Variants in PPP1R3B observed in about 807,000 individuals in gnomAD.
PPP1R3B encodes protein phosphatase 1 regulatory subunit 3B, also known as PP1 subunit R4.
Under a neutral mutation model 14.6 loss-of-function variants are expected in PPP1R3B, and 8 were observed. That is an observed-to-expected ratio of 0.55 (90% CI 0.32 to 0.99). PPP1R3B has a LOEUF of 0.99. PPP1R3B is among the 50% of genes least tolerant of loss of function. PPP1R3B has a pLI of 0.04. For synonymous variants in PPP1R3B, 169 were observed against 142.0 expected, an observed-to-expected ratio of 1.19 and a Z score of -1.35; for missense variants, 452 against 360.1, an observed-to-expected ratio of 1.26 and a Z score of -2.07.
intron 1 of PPP1R3B, among the ~76,000 whole-genome samples, chr8:9,150,104 A>C (rs1039869050): frequency 2.6e-5 from 4 of 152,174 alleles, no homozygotes; most frequent in African/African-American, 7.2e-5. Flanking sequence ...AGCTGTCTTC[A>C]CTTTAGTTTT....
chr8:9,142,022 T>C (rs1801107276), intron 1 of PPP1R3B, among the ~76,000 whole-genome samples: 1 of 152,228 alleles, frequency 6.6e-6, no homozygotes, highest in East Asian at 1.9e-4. Flanking sequence ...AAAGGGCATA[T>C]ATACTGTTTT....
In PPP1R3B at chr8:9,136,536, A is replaced by C. The variant is rs1800894225; in HGVS notation, c.*4258T>G. On this transcript the variant is annotated 3_prime_UTR_variant, in exon 2 of 2. Transcript: ENST00000310455. The stretch of plus-strand genomic sequence containing the variant: ...CTCAGAGGTCCAGCAGTCTCTAAAA[A>C]CTCGTCAACAAGACTAAAAACATTC... 1 of 152,094 alleles carries C rather than the reference A, an allele frequency of 6.6e-6. No individual in the cohort carries two copies. Among genetic ancestry groups the C allele is most frequent in the South Asian group, 2.1e-4 (1 of 4,824 alleles). 9.4% of individuals were successfully genotyped at this position (152,094 alleles called of 1,614,324 possible). A position where few individuals can be genotyped will look rare whatever the true frequency, so the allele number is the denominator to read the frequency against.
Position 9,138,892 on chromosome 8 carries a change from G to T in PPP1R3B, c.*1902C>A, listed in dbSNP as rs1400054404. 1 of 141,162 alleles carries T rather than the reference G, an allele frequency of 7.1e-6. No homozygotes were observed. The highest frequency in any genetic ancestry group is 1.6e-5 in the Non-Finnish European group (1 of 64,196). The allele number at this position is 141,162 out of a possible 1,614,324, so 8.7% of individuals were successfully genotyped here. On this transcript the variant is annotated 3_prime_UTR_variant, in exon 2 of 2. Transcript: ENST00000310455. ...CAATCTTGCCCAAGAAAAATCACAGGTTTGGGGCCTATCTGATAATGACTG... is the reference window on the plus strand; with the variant it reads ...CAATCTTGCCCAAGAAAAATCACAGTTTTGGGGCCTATCTGATAATGACTG...
intron 1 of PPP1R3B, among the ~76,000 whole-genome samples, chr8:9,144,664 A>G (rs1225491815): frequency 2.0e-5 from 3 of 152,232 alleles, no homozygotes; most frequent in Non-Finnish European, 4.4e-5. Context: ...AAGATGACAA[A>G]ATAACCTAGG....
Position 9,140,951 on chromosome 8 carries a change from C to G in PPP1R3B, c.701G>C (p.Arg234Pro). The G allele has an allele frequency of 1.2e-6, 2 of 1,614,184 alleles. No individual in the cohort carries two copies. Among genetic ancestry groups the G allele is most frequent in the Non-Finnish European group, 1.7e-6 (2 of 1,180,012 alleles). The part of the protein sequence containing the change: ...SNRGKNYRII[R>P]AELKSTQGMT... ...TCCCTGGGTAGATTTTAACTCAGCCCGGATGATCCTATAGTTCTTGCCTCT... is the reference window on the plus strand; with the variant it reads ...TCCCTGGGTAGATTTTAACTCAGCCGGGATGATCCTATAGTTCTTGCCTCT... The change falls in exon 2 of 2, where the codon CGG (arginine) becomes CCG (proline). Residue 234 changes from arginine (R) to proline (P), a missense_variant. Coordinates refer to ENST00000310455, the MANE Select transcript of PPP1R3B (RefSeq NM_024607.4).
In PPP1R3B at chr8:9,140,901, C is replaced by G. The variant is rs1334419981; in HGVS notation, c.751G>C (p.Asp251His). ...QGMTKPHSGP[D>H]LGISFDQFGS... is the part of the protein sequence containing the mutation. ...AACTGGTCAAAGGATATTCCCAAAT[C>G]CGGTCCACTGTGGGGCTTGGTCATT... Residue 251 changes from aspartate to histidine, a missense_variant, in exon 2 of 2, where the codon GAT becomes CAT. Physicochemically the swap from Asp to His is moderately conservative, Grantham distance 81. Transcript: ENST00000310455. 1.9e-6 allele frequency: 3 copies of G among 1,614,244 alleles called. No homozygotes were observed. Among genetic ancestry groups the G allele is most frequent in the Non-Finnish European group, 2.5e-6 (3 of 1,180,036 alleles).
chr8:9,148,482 T>C (rs1801308806), intron 1 of PPP1R3B, among the ~76,000 whole-genome samples: 1 of 152,192 alleles, frequency 6.6e-6, no homozygotes, highest in African/African-American at 2.4e-5. Context: ...AATGAGTGTA[T>C]GAGTGCTGCT....
At chr8:9,151,378 G>C (rs2099843413), upstream of PPP1R3B, 1 of 155,656 alleles carries the variant, frequency 6.4e-6, no homozygotes, top group South Asian at 1.7e-4. Context: ...GAGGGCAGAC[G>C]CGCCAGCCCG....
chr8:9,147,536 ACT>A (rs915757380), intron 1 of PPP1R3B, among the ~76,000 whole-genome samples: 14 of 151,920 alleles, frequency 9.2e-5, no homozygotes, highest in African/African-American at 3.4e-4. Flanking sequence ...AGCCTTGGAA[ACT>A]CTCAAGATAT....
At chr8:9,143,580 T>C (rs1801153405) in intron 1 of PPP1R3B, among the ~76,000 whole-genome samples, 1 of 152,176 alleles carries the variant, frequency 6.6e-6, no homozygotes, top group Non-Finnish European at 1.5e-5. Context: ...CATGCACCTG[T>C]AGTCCCAGCT....
At chr8:9,151,132 A>T (rs1183508459), upstream of PPP1R3B, among the ~76,000 whole-genome samples, 1 of 152,026 alleles carries the variant, frequency 6.6e-6, no homozygotes, top group Non-Finnish European at 1.5e-5. Flanking sequence ...TGGGCCCGGG[A>T]GGCGCTTCCC....
At position 9,139,445 on chromosome 8, in the gene PPP1R3B, G is replaced by A. The variant is rs1338170287; in HGVS notation, c.*1349C>T. 1 of 152,184 alleles carries A rather than the reference G, an allele frequency of 6.6e-6. No homozygotes were observed. The highest frequency in any genetic ancestry group is 1.5e-5 in the Non-Finnish European group (1 of 68,044). The allele number at this position is 152,184 out of a possible 1,614,324, so 9.4% of individuals were successfully genotyped here. A position where few individuals can be genotyped will look rare whatever the true frequency, so the allele number is the denominator to read the frequency against. On this transcript the variant is annotated 3_prime_UTR_variant, in exon 2 of 2. Coordinates refer to ENST00000310455, the MANE Select transcript of PPP1R3B (RefSeq NM_024607.4). ...TCTAGATAGTGTGAATCACAGTCAC[G>A]ATAAAACCATTTTCTGAAGGTTTCG...
At chr8:9,151,462 C>G (rs899255921), upstream of PPP1R3B, 5 of 162,824 alleles carry the variant, frequency 3.1e-5, no homozygotes, top group African/African-American at 1.2e-4. Flanking sequence ...CGGGTTCGCG[C>G]CCCCCGCGGG....
Position 9,137,495 on chromosome 8 carries a change from C to T in PPP1R3B, c.*3299G>A, listed in dbSNP as rs1800925418. 6.6e-6 allele frequency: 1 copy of T among 152,156 alleles called. No homozygotes were observed. Among genetic ancestry groups the T allele is most frequent in the African/African-American group, 2.4e-5 (1 of 41,432 alleles). 9.4% of individuals were successfully genotyped at this position (152,156 alleles called of 1,614,324 possible). A position where few individuals can be genotyped will look rare whatever the true frequency, so the allele number is the denominator to read the frequency against. On this transcript the variant is annotated 3_prime_UTR_variant, in exon 2 of 2. Coordinates refer to ENST00000310455, the MANE Select transcript of PPP1R3B (RefSeq NM_024607.4). ...TGCAGTGAAGTCTCCAAGTAAGAAA[C>T]CTGTCACCCTCTGAAGTGTGTAGGC...
At position 9,140,617 on chromosome 8, in the gene PPP1R3B, T is replaced by G; in HGVS notation, c.*177A>C. 1 of 692,026 alleles carries G rather than the reference T, an allele frequency of 1.4e-6. No homozygotes were observed. Among genetic ancestry groups the G allele is most frequent in the South Asian group, 2.0e-5 (1 of 51,214 alleles). 42.9% of individuals were successfully genotyped at this position (692,026 alleles called of 1,614,324 possible). On this transcript the variant is annotated 3_prime_UTR_variant, in exon 2 of 2. Coordinates refer to ENST00000310455, the MANE Select transcript of PPP1R3B (RefSeq NM_024607.4). ...TTTGAGTGAGACACTGGTTGTGTAA[T>G]CTGAACCTGGCTGGATTTGCTGTTT...
chr8:9,143,759 T>C (rs1243864763), intron 1 of PPP1R3B, among the ~76,000 whole-genome samples: 1 of 152,184 alleles, frequency 6.6e-6, no homozygotes, highest in Non-Finnish European at 1.5e-5. Flanking sequence ...GCCTTTAACA[T>C]AGGTGAATAT....
rs919271038 is a variant in PPP1R3B, at chr8:9,140,836, C to A, written c.816G>T (p.Trp272Cys). The A allele has an allele frequency of 1.2e-6, 2 of 1,613,978 alleles. No individual in the cohort carries two copies. Among genetic ancestry groups the A allele is most frequent in the African/African-American group, 2.7e-5 (2 of 74,906 alleles). ...GCTTTTCATATCCTAAGTAACTTGG[C>A]CACTCTGGAAACAGACCATAGGAAC... is the stretch of plus-strand genomic sequence containing the variant. ...PRCSYGLFPE[W>C]PSYLGYEKLG... The change falls in exon 2 of 2, where the codon TGG becomes TGT. Residue 272 changes from tryptophan to cysteine, a missense_variant. Coordinates refer to ENST00000310455, the MANE Select transcript of PPP1R3B (RefSeq NM_024607.4).
chr8:9,144,590 A>G (rs1371931655), intron 1 of PPP1R3B, among the ~76,000 whole-genome samples: 4 of 152,218 alleles, frequency 2.6e-5, no homozygotes, highest in Admixed American at 6.5e-5. Flanking sequence ...TATCCTAGGT[A>G]AAGAATTAAA....
intron 1 of PPP1R3B, among the ~76,000 whole-genome samples, chr8:9,148,007 G>A (rs970436602): frequency 3.9e-5 from 6 of 152,060 alleles, no homozygotes; most frequent in Admixed American, 3.3e-4. Context: ...GGTATGACTC[G>A]ACTGTCAGTC....
Sources: gnomAD v4.1 joint callset for allele counts (sites outside exome capture counted in the v4.1 genomes callset) on GRCh38, gnomAD v4.1.1 for gene constraint, MANE v1.5 for transcripts, NCBI Gene and HGNC (gene_info 2026-07-23, HGNC 2026-07-21) for gene names.